The following LHFPL3 variants were observed in gnomAD, a reference collection of about 807,000 sequenced individuals.
LHFPL3 encodes the protein LHFPL tetraspan subfamily member 3 protein.
In LHFPL3, 5 loss-of-function variants were observed where a neutral mutation model predicts 19.3. The ratio of observed to expected loss-of-function variants is 0.26; its 90% CI spans 0.14 to 0.54. LHFPL3 has a LOEUF of 0.54. Among genes scored for constraint, LHFPL3 ranks in the 20% least tolerant of loss-of-function variants. The pLI is 0.94. For missense variants in LHFPL3, 249 were observed against 307.4 expected, an observed-to-expected ratio of 0.81 and a Z score of 1.42; for synonymous variants, 133 against 126.2, an observed-to-expected ratio of 1.05 and a Z score of -0.36.
At chr7:104,393,780 A>G (rs779911479) in intron 1 of LHFPL3, among the ~76,000 whole-genome samples, 11 of 152,202 alleles carry the variant, frequency 7.2e-5, no homozygotes, top group Non-Finnish European at 1.5e-4. Context: ...AAAGGAATGA[A>G]GTACTGCTGT....
intron 1 of LHFPL3, among the ~76,000 whole-genome samples, chr7:104,463,394 A>C (rs1205475101): frequency 6.6e-6 from 1 of 152,144 alleles, no homozygotes; most frequent in African/African-American, 2.4e-5. Flanking sequence ...TTCCCCCTTA[A>C]CACTGCCTTA....
chr7:104,789,347 T>G (rs1052954911), intron 2 of LHFPL3, among the ~76,000 whole-genome samples: 1 of 152,010 alleles, frequency 6.6e-6, no homozygotes, highest in African/African-American at 2.4e-5. Flanking sequence ...GGGGACAGAG[T>G]TCAGGAAATA....
intron 1 of LHFPL3, among the ~76,000 whole-genome samples, chr7:104,382,550 C>T (rs1291314576): frequency 6.6e-6 from 1 of 152,194 alleles, no homozygotes; most frequent in Non-Finnish European, 1.5e-5. Flanking sequence ...GCCTGGGTTC[C>T]ATCTCCAAGG....
chr7:104,400,913 G>A (rs919045102), intron 1 of LHFPL3, among the ~76,000 whole-genome samples: 1 of 152,192 alleles, frequency 6.6e-6, no homozygotes, highest in Non-Finnish European at 1.5e-5. Context: ...CAGGTTTAGT[G>A]AACTCTCAAT....
At chr7:104,593,366 T>C (rs1485645230) in intron 1 of LHFPL3, among the ~76,000 whole-genome samples, 1 of 152,232 alleles carries the variant, frequency 6.6e-6, no homozygotes, top group Non-Finnish European at 1.5e-5. Flanking sequence ...AGTTTCTTAA[T>C]CCTGAGTTCT....
intron 1 of LHFPL3, among the ~76,000 whole-genome samples, chr7:104,544,551 T>A (rs375539818): frequency 4.9e-4 from 75 of 152,298 alleles, no homozygotes; most frequent in East Asian, 2.1e-3. Context: ...TCTCTTTCAG[T>A]TCTTTCTAGG....
chr7:104,808,949 G>A (rs1490042698), intron 2 of LHFPL3, among the ~76,000 whole-genome samples: 1 of 137,994 alleles, frequency 7.2e-6, no homozygotes, highest in African/African-American at 2.8e-5. Context: ...AGGCTGGAGT[G>A]CAGTGGCACA....
intron 1 of LHFPL3, among the ~76,000 whole-genome samples, chr7:104,734,182 T>G (rs1324409959): frequency 6.6e-6 from 1 of 152,230 alleles, no homozygotes; most frequent in African/African-American, 2.4e-5. Flanking sequence ...TTGGTGACTC[T>G]GACAATTATG....
At chr7:104,559,465 G>C (rs1454952844) in intron 1 of LHFPL3, among the ~76,000 whole-genome samples, 1 of 149,698 alleles carries the variant, frequency 6.7e-6, no homozygotes, top group Non-Finnish European at 1.5e-5. Flanking sequence ...GATCACTCAT[G>C]ATTTGGCTCT....
At chr7:104,591,688 T>C (rs1407862108) in intron 1 of LHFPL3, among the ~76,000 whole-genome samples, 5 of 152,224 alleles carry the variant, frequency 3.3e-5, no homozygotes, top group African/African-American at 1.2e-4. Context: ...GAAGTTCTCC[T>C]AGATAATGTC....
chr7:104,590,076 T>TG (rs2115626219), intron 1 of LHFPL3, among the ~76,000 whole-genome samples: 1 of 152,262 alleles, frequency 6.6e-6, no homozygotes, highest in East Asian at 1.9e-4. Flanking sequence ...CTGGATTCAT[T>TG]GATTTTTTTG....
intron 1 of LHFPL3, among the ~76,000 whole-genome samples, chr7:104,594,655 C>G (rs1432223098): frequency 1.3e-5 from 2 of 152,172 alleles, no homozygotes; most frequent in East Asian, 3.9e-4. Flanking sequence ...TCCATTCTCC[C>G]CATCACTTTC....
At chr7:104,503,195 G>A (rs1793634278) in intron 1 of LHFPL3, among the ~76,000 whole-genome samples, 1 of 151,678 alleles carries the variant, frequency 6.6e-6, no homozygotes, top group Non-Finnish European at 1.5e-5. Context: ...AGAATACTAA[G>A]AAGGTATAAA....
chr7:104,902,223 A>T (rs1403247503), intron 2 of LHFPL3, among the ~76,000 whole-genome samples: 2 of 152,038 alleles, frequency 1.3e-5, no homozygotes, highest in African/African-American at 2.4e-5. Context: ...CTATAAAAAA[A>T]AATTTTAAAT....
rs1449613206 is a variant in LHFPL3, at chr7:104,877,839, T to A, written c.683-28348T>A. ...TTGTATGGAAATGTTTATAGCAGCA[T>A]TTTTTTTTTTTTGAGACAGAGTCTT... On this transcript the variant is annotated intron_variant, in intron 2 of 2. Transcript: ENST00000424859. Among the ~76,000 whole-genome samples, 3 of 30,914 alleles carry A rather than the reference T, an allele frequency of 9.7e-5. No individual in the cohort carries two copies. The East Asian group carries it at 1.8e-3, about 19-fold the overall frequency. 20.3% of individuals were successfully genotyped at this position (30,914 alleles called of 152,430 possible).
At chr7:104,430,410 A>ACACATG (rs1562895165) in intron 1 of LHFPL3, among the ~76,000 whole-genome samples, 3 of 29,410 alleles carry the variant, frequency 1.0e-4, no homozygotes, top group Non-Finnish European at 1.6e-4. Context: ...ATATACATAT[A>ACACATG]TATATATACA....
At chr7:104,868,630 C>T (rs1035230908) in intron 2 of LHFPL3, among the ~76,000 whole-genome samples, 12 of 152,054 alleles carry the variant, frequency 7.9e-5, no homozygotes, top group East Asian at 1.9e-4. Flanking sequence ...GAATCAATAT[C>T]GTGAAAATGG....
In LHFPL3 at chr7:104,396,627, T is replaced by C. The variant is rs538886089; in HGVS notation, c.445+67403T>C. Among the ~76,000 whole-genome samples, 6 of 140,762 alleles carry C rather than the reference T, an allele frequency of 4.3e-5. 1 individual carries two copies. The South Asian group carries it at 1.4e-3, about 32-fold the overall frequency. 92.3% of individuals were successfully genotyped at this position (140,762 alleles called of 152,430 possible). On this transcript the variant is annotated intron_variant, in intron 1 of 2. Transcript: ENST00000424859. ...ATTCTCCTGCATTTTTGCCATGAAATATGGTACAAAATTAGAAAAAAAAAA... is the reference window on the plus strand; with the variant it reads ...ATTCTCCTGCATTTTTGCCATGAAACATGGTACAAAATTAGAAAAAAAAAA...
chr7:104,635,703 G>A (rs1282949669), intron 1 of LHFPL3, among the ~76,000 whole-genome samples: 1 of 152,176 alleles, frequency 6.6e-6, no homozygotes, highest in African/African-American at 2.4e-5. Flanking sequence ...ACCAAAAGGA[G>A]TAAACCAAGA....
Sources: gnomAD v4.1 joint callset for allele counts (sites outside exome capture counted in the v4.1 genomes callset) on GRCh38, gnomAD v4.1.1 for gene constraint, MANE v1.5 for transcripts, NCBI Gene and HGNC (gene_info 2026-07-23, HGNC 2026-07-21) for gene names.